Variants in ANKS1B observed in about 807,000 individuals in gnomAD.
ANKS1B encodes the protein ankyrin repeat and sterile alpha motif domain-containing protein 1B.
A neutral mutation model predicts 148.3 loss-of-function variants in ANKS1B; 36 were observed. The ratio of observed to expected loss-of-function variants is 0.24; its 90% CI spans 0.19 to 0.32. The LOEUF (loss-of-function observed/expected upper bound fraction) is 0.32. Ranked by LOEUF, ANKS1B falls within the 10% of genes least tolerant of loss-of-function variation. ANKS1B has a pLI of 1.00. For missense variants in ANKS1B, 1,157 were observed against 1,542.6 expected (o/e 0.75, Z 4.19); for synonymous variants, 542 against 560.8 (o/e 0.97, Z 0.47).
At chr12:99,891,883 CAGAGG>C (rs2093130247) in intron 1 of ANKS1B, among the ~76,000 whole-genome samples, 1 of 152,026 alleles carries the variant, frequency 6.6e-6, no homozygotes. Flanking sequence ...TAAAATAATC[CAGAGG>C]AGGTAGGGGA....
rs1214804858 is a variant in ANKS1B at position 99,984,400 on chromosome 12, TCTC to T, written c.-166_-164del. 3.6e-6 allele frequency: 2 copies of T among 551,888 alleles called. No individual in the cohort carries two copies. Among genetic ancestry groups the T allele is most frequent in the Non-Finnish European group, 6.3e-6 (2 of 319,676 alleles). The allele number at this position is 551,888 out of a possible 1,614,324, so 34.2% of individuals were successfully genotyped here. On this transcript the variant is annotated 5_prime_UTR_variant, in exon 1 of 27. Transcript: ENST00000683438. ...CAGCCCCAGGCAGGGAGCACGACTC[TCTC>T]CTCCTCTTCGGGGCGCAGCTTTTAC...
At chr12:99,563,102 A>G (rs1291371912) in intron 9 of ANKS1B, among the ~76,000 whole-genome samples, 3 of 152,194 alleles carry the variant, frequency 2.0e-5, no homozygotes, top group Non-Finnish European at 4.4e-5. Context: ...TTGGCTTAAG[A>G]GAATATTGTG....
intron 9 of ANKS1B, among the ~76,000 whole-genome samples, chr12:99,603,296 C>T (rs74630556): frequency 0.012 from 1,801 of 152,232 alleles, 45 homozygotes; most frequent in African/African-American, 0.041. Context: ...CAAGGACTCA[C>T]TGTCAAATTT....
chr12:99,371,605 G>T (rs967591292), intron 12 of ANKS1B, among the ~76,000 whole-genome samples: 1 of 151,830 alleles, frequency 6.6e-6, no homozygotes, highest in East Asian at 1.9e-4. Context: ...GAGAGAGAGA[G>T]AATTTACTGG....
chr12:99,491,176 G>C (rs2096551582), intron 10 of ANKS1B, among the ~76,000 whole-genome samples: 8 of 152,168 alleles, frequency 5.3e-5, no homozygotes. Context: ...GCAGTGGTGG[G>C]TGCCTGTAGT....
chr12:99,734,890 A>G (rs371730073), intron 8 of ANKS1B, among the ~76,000 whole-genome samples: 3 of 152,074 alleles, frequency 2.0e-5, no homozygotes, highest in Admixed American at 1.3e-4. Flanking sequence ...TTTAAATGAC[A>G]CTGTTGACTA....
chr12:98,895,185 G>A (rs1411033191), intron 17 of ANKS1B: 19 of 984,898 alleles, frequency 1.9e-5, no homozygotes, highest in Non-Finnish European at 2.3e-5. Flanking sequence ...CGCGGCGCGC[G>A]GGGGCTGCAG....
In ANKS1B at chr12:99,244,349, C is replaced by T; in HGVS notation, c.2412G>A (p.Glu804=). 6.2e-7 allele frequency: 1 copy of T among 1,604,610 alleles called. No homozygotes were observed. Among genetic ancestry groups the T allele is most frequent in the Non-Finnish European group, 8.5e-7 (1 of 1,175,738 alleles). ...INNELKEMNG[E]TTRPRCPVQT... is the part of the protein sequence containing the mutation. Reference sequence around the variant, plus strand: ...AGAGGAAGGTTGCCTTACTTGTGGTCTCACCATTCATCTCTTTAAGTTCGT... The same window carrying T: ...AGAGGAAGGTTGCCTTACTTGTGGTTTCACCATTCATCTCTTTAAGTTCGT... The change falls in exon 14 of 27, where the codon GAG becomes GAA. Residue 804 remains glutamate, a synonymous_variant. Transcript: ENST00000683438.
Position 99,013,732 on chromosome 12 carries a change from G to C in ANKS1B, c.2778+39425C>G, listed in dbSNP as rs553631343. Reference sequence around the variant, plus strand: ...TATACACCAACAACAGTCAAGCTGAGAGCCAAATCATGAACTCTCATTCAC... The same window carrying C: ...TATACACCAACAACAGTCAAGCTGACAGCCAAATCATGAACTCTCATTCAC... On this transcript the variant is annotated intron_variant, in intron 17 of 26. Transcript: ENST00000683438. 2.0e-5 allele frequency among the ~76,000 whole-genome samples: 3 copies of C among 152,186 alleles called. No homozygotes were observed. The East Asian group carries it at 5.8e-4, about 29-fold the overall frequency.
chr12:99,582,122 T>C (rs2097576836), intron 9 of ANKS1B, among the ~76,000 whole-genome samples: 1 of 151,976 alleles, frequency 6.6e-6, no homozygotes, highest in Non-Finnish European at 1.5e-5. Flanking sequence ...TTAACATCAT[T>C]GATCATTAGG....
intron 9 of ANKS1B, among the ~76,000 whole-genome samples, chr12:99,628,402 A>T (rs907926563): frequency 5.3e-5 from 8 of 152,166 alleles, no homozygotes; most frequent in African/African-American, 1.9e-4. Context: ...TCTAAAAAAA[A>T]TTTCTGTGAA....
rs151300843 is a variant in ANKS1B at position 99,423,833 on chromosome 12, A to G, written c.1575+19840T>C. On this transcript the variant is annotated intron_variant, in intron 11 of 26. Transcript: ENST00000683438. ...AAGAGAATAACACACACTGGGACCT[A>G]TTGGAGGGTGGAGGGTGGGAGGAGG... Among the ~76,000 whole-genome samples, 925 of 152,166 alleles carry G rather than the reference A, an allele frequency of 6.1e-3. 10 individuals carry two copies. Among genetic ancestry groups the G allele is most frequent in the African/African-American group, 0.021 (890 of 41,532 alleles).
intron 8 of ANKS1B, among the ~76,000 whole-genome samples, chr12:99,671,977 CTCTTT>C (rs2098540348): frequency 6.6e-6 from 1 of 152,102 alleles, no homozygotes; most frequent in Non-Finnish European, 1.5e-5. Context: ...GATTTTAAAA[CTCTTT>C]TCTTTTTTGA....
At chr12:98,846,195 C>G (rs2099467034) in intron 17 of ANKS1B, among the ~76,000 whole-genome samples, 1 of 152,212 alleles carries the variant, frequency 6.6e-6, no homozygotes, top group Admixed American at 6.5e-5. Context: ...GGAATGCACA[C>G]TGGCTCCAGC....
intron 17 of ANKS1B, among the ~76,000 whole-genome samples, chr12:98,915,787 G>T (rs2099793543): frequency 6.6e-6 from 1 of 152,196 alleles, no homozygotes; most frequent in African/African-American, 2.4e-5. Flanking sequence ...TCCTTTCAAT[G>T]AAGAAACTGA....
At chr12:98,875,692 C>T (rs898332582) in intron 17 of ANKS1B, among the ~76,000 whole-genome samples, 2 of 152,114 alleles carry the variant, frequency 1.3e-5, no homozygotes, top group Non-Finnish European at 2.9e-5. Flanking sequence ...TGTTGCTAGC[C>T]TGGGACACAC....
chr12:99,520,158 G>A (rs1276519906), intron 9 of ANKS1B, among the ~76,000 whole-genome samples: 1 of 151,958 alleles, frequency 6.6e-6, no homozygotes, highest in Non-Finnish European at 1.5e-5. Flanking sequence ...GCTTATTATT[G>A]CCAGTAACTT....
chr12:99,642,785 A>G (rs2098323322), intron 9 of ANKS1B, among the ~76,000 whole-genome samples: 1 of 152,300 alleles, frequency 6.6e-6, no homozygotes, highest in South Asian at 2.1e-4. Context: ...ACAGAGCAAG[A>G]CAACATCTCA....
At chr12:99,531,675 T>C (rs945954839) in intron 9 of ANKS1B, among the ~76,000 whole-genome samples, 3 of 152,194 alleles carry the variant, frequency 2.0e-5, no homozygotes, top group African/African-American at 4.8e-5. Context: ...AACATATGAG[T>C]ACAATTGTCT....
Sources: gnomAD v4.1 joint callset for allele counts (sites outside exome capture counted in the v4.1 genomes callset) on GRCh38, gnomAD v4.1.1 for gene constraint, MANE v1.5 for transcripts, NCBI Gene and HGNC (gene_info 2026-07-23, HGNC 2026-07-21) for gene names.